ME3: variants seen among roughly 807,000 people sequenced by gnomAD.
ME3 encodes NADP-dependent malic enzyme, mitochondrial.
A neutral mutation model predicts 68.9 loss-of-function variants in ME3; 48 were observed. That is an observed-to-expected ratio of 0.70 (90% CI 0.55 to 0.89). The LOEUF is 0.89. Among genes scored for constraint, ME3 ranks in the 40% least tolerant of loss-of-function variants. The pLI is 0.00. For synonymous variants in ME3, 320 were observed against 318.8 expected (o/e 1.00, Z -0.04); for missense variants, 675 against 797.4 (o/e 0.85, Z 1.85).
chr11:86,520,288 T>C (rs945648216), intron 4 of ME3, among the ~76,000 whole-genome samples: 1 of 152,166 alleles, frequency 6.6e-6, no homozygotes, highest in Non-Finnish European at 1.5e-5. Flanking sequence ...TGGGGGTTCC[T>C]CAATTTCCCA....
At chr11:86,529,354 G>C (rs1955023162) in intron 4 of ME3, among the ~76,000 whole-genome samples, 1 of 152,192 alleles carries the variant, frequency 6.6e-6, no homozygotes, top group Non-Finnish European at 1.5e-5. Context: ...CTGAAATTGA[G>C]GCAATAATTA....
At chr11:86,585,146 G>A (rs1311388844) in intron 2 of ME3, among the ~76,000 whole-genome samples, 1 of 152,160 alleles carries the variant, frequency 6.6e-6, no homozygotes, top group Non-Finnish European at 1.5e-5. Context: ...CAGTGTGTAG[G>A]TGACTTTGCT....
intron 13 of ME3, among the ~76,000 whole-genome samples, chr11:86,444,191 C>T (rs1949159153): frequency 6.6e-6 from 1 of 152,072 alleles, no homozygotes; most frequent in African/African-American, 2.4e-5. Context: ...CAGGCTGATA[C>T]CTGAAGGACA....
At chr11:86,453,190 A>G (rs980713921) in intron 8 of ME3, among the ~76,000 whole-genome samples, 1 of 151,840 alleles carries the variant, frequency 6.6e-6, no homozygotes, top group African/African-American at 2.4e-5. Context: ...AGTAGAGACA[A>G]CGTTTTGGCG....
intron 5 of ME3, among the ~76,000 whole-genome samples, chr11:86,507,136 A>C (rs1953141631): frequency 6.6e-6 from 1 of 152,218 alleles, no homozygotes; most frequent in South Asian, 2.1e-4. Context: ...GGAGAGAACC[A>C]GGAGTGGGTA....
At chr11:86,455,180 C>T (rs548501734) in intron 8 of ME3, among the ~76,000 whole-genome samples, 1 of 151,826 alleles carries the variant, frequency 6.6e-6, no homozygotes, top group African/African-American at 2.4e-5. Context: ...ACACAGTGTG[C>T]ACCCTCTGAG....
At chr11:86,547,861 T>C (rs1346060915) in intron 4 of ME3, among the ~76,000 whole-genome samples, 2 of 152,134 alleles carry the variant, frequency 1.3e-5, no homozygotes, top group Admixed American at 6.5e-5. Flanking sequence ...ATGGCTGTGA[T>C]TGCCAGGGAC....
chr11:86,649,544 TG>T (rs1421001652), intron 2 of ME3, among the ~76,000 whole-genome samples: 1 of 152,230 alleles, frequency 6.6e-6, no homozygotes, highest in Non-Finnish European at 1.5e-5. Flanking sequence ...GCAGATGACA[TG>T]ATTGTATATT....
intron 7 of ME3, among the ~76,000 whole-genome samples, chr11:86,482,848 C>T (rs1951489144): frequency 6.6e-6 from 1 of 152,120 alleles, no homozygotes; most frequent in Non-Finnish European, 1.5e-5. Context: ...AGTTAGCCAG[C>T]TGAAAGCAGC....
chr11:86,652,054 A>C (rs1341077443), intron 2 of ME3, among the ~76,000 whole-genome samples: 3 of 152,186 alleles, frequency 2.0e-5, no homozygotes, highest in South Asian at 2.1e-4. Flanking sequence ...AAAAGGAATA[A>C]AAAGAAATGA....
intron 7 of ME3, among the ~76,000 whole-genome samples, chr11:86,469,145 C>A (rs943694548): frequency 6.6e-6 from 1 of 152,090 alleles, no homozygotes; most frequent in Non-Finnish European, 1.5e-5. Flanking sequence ...AAAACATTGA[C>A]CAGGGAGACA....
rs1465903393 is a variant in ME3 at position 86,635,184 on chromosome 11, A to G, written c.183+36578T>C. Among the ~76,000 whole-genome samples, 4 of 152,336 alleles carry G rather than the reference A, an allele frequency of 2.6e-5. No homozygotes were observed. The East Asian group carries it at 7.7e-4, about 29-fold the overall frequency. On this transcript the variant is annotated intron_variant, in intron 2 of 14. Coordinates refer to ENST00000543262, the Ensembl canonical transcript of ME3. The stretch of plus-strand genomic sequence containing the variant: ...TGCACACCTGTAGTCACAGCTACTC[A>G]GGAGGCTGAAGTGGGAGGATCACTT...
intron 7 of ME3, among the ~76,000 whole-genome samples, chr11:86,470,834 C>T (rs549623448): frequency 5.9e-5 from 9 of 152,324 alleles, no homozygotes; most frequent in African/African-American, 2.2e-4. Context: ...ATTTCCCCTC[C>T]CCCAATCCAT....
chr11:86,608,095 A>G (rs992467980), intron 2 of ME3, among the ~76,000 whole-genome samples: 1 of 152,214 alleles, frequency 6.6e-6, no homozygotes, highest in Non-Finnish European at 1.5e-5. Flanking sequence ...TAAGGTTACA[A>G]TGCAAAAGAA....
At chr11:86,535,259 C>T (rs1480061812) in intron 4 of ME3, among the ~76,000 whole-genome samples, 1 of 152,192 alleles carries the variant, frequency 6.6e-6, no homozygotes, top group Non-Finnish European at 1.5e-5. Context: ...ACCCTACCTT[C>T]ATCTGTTCTT....
chr11:86,442,135 A>T (rs1198071207), intron 14 of ME3, among the ~76,000 whole-genome samples: 1 of 152,254 alleles, frequency 6.6e-6, no homozygotes, highest in African/African-American at 2.4e-5. Flanking sequence ...TGTATCTATT[A>T]TCCAGCTTTA....
chr11:86,596,674 C>T (rs903911118), intron 2 of ME3, among the ~76,000 whole-genome samples: 3 of 152,198 alleles, frequency 2.0e-5, no homozygotes, highest in Non-Finnish European at 4.4e-5. Flanking sequence ...ACCTAGGCTA[C>T]CTCTTTCACA....
intron 2 of ME3, among the ~76,000 whole-genome samples, chr11:86,577,697 AT>A (rs2139589726): frequency 6.6e-6 from 1 of 152,370 alleles, no homozygotes; most frequent in East Asian, 1.9e-4. Flanking sequence ...CTTTATAAAA[AT>A]AAAATTCATT....
At chr11:86,576,665 G>A (rs1044449215) in intron 2 of ME3, among the ~76,000 whole-genome samples, 1 of 152,074 alleles carries the variant, frequency 6.6e-6, no homozygotes. Flanking sequence ...TCTCTGGTTT[G>A]CTGCACCACC....
Sources: allele counts gnomAD v4.1 joint callset (sites outside exome capture counted in the v4.1 genomes callset), GRCh38; gene constraint gnomAD v4.1.1; transcripts MANE v1.5; gene names NCBI Gene and HGNC (gene_info 2026-07-23, HGNC 2026-07-21).